PXDNL: variants seen among roughly 807,000 people sequenced by gnomAD.
PXDNL encodes the protein peroxidasin like.
PXDNL carries 145 observed loss-of-function variants against 150.8 expected under a neutral mutation model. That is an observed-to-expected ratio of 0.96 (90% confidence interval 0.84 to 1.10). The LOEUF (loss-of-function observed/expected upper bound fraction) is 1.10, where lower values mean the gene tolerates loss of function less well. Ranked by LOEUF, PXDNL falls within the 50% of genes least tolerant of loss-of-function variation. The pLI is 0.00. For synonymous variants in PXDNL, 757 were observed against 725.7 expected, an observed-to-expected ratio of 1.04 and a Z score of -0.69; for missense variants, 2,087 against 1,873.9, an observed-to-expected ratio of 1.11 and a Z score of -2.10.
intron 12 of PXDNL, among the ~76,000 whole-genome samples, chr8:51,443,627 A>G (rs1028587740): frequency 4.6e-5 from 7 of 152,242 alleles, no homozygotes; most frequent in African/African-American, 1.7e-4. Flanking sequence ...GCATTTTTAA[A>G]TAACATGTTT....
intron 1 of PXDNL, among the ~76,000 whole-genome samples, chr8:51,795,692 T>C (rs2129259343): frequency 6.6e-6 from 1 of 152,216 alleles, no homozygotes; most frequent in Admixed American, 6.5e-5. Flanking sequence ...AAAAGCTAGA[T>C]GCGGGGGTCT....
At chr8:51,770,792 G>A (rs2037285023) in intron 1 of PXDNL, among the ~76,000 whole-genome samples, 2 of 152,198 alleles carry the variant, frequency 1.3e-5, no homozygotes, top group South Asian at 4.1e-4. Context: ...AGGATACCTT[G>A]GGGCAGTGAG....
chr8:51,514,595 C>T (rs1382711397), intron 4 of PXDNL, among the ~76,000 whole-genome samples: 2 of 152,172 alleles, frequency 1.3e-5, no homozygotes, highest in African/African-American at 4.8e-5. Context: ...CCTTCCAATA[C>T]ATAGGACTGA....
intron 1 of PXDNL, among the ~76,000 whole-genome samples, chr8:51,705,342 C>T (rs11783684): frequency 0.69 from 104,948 of 152,100 alleles, 37,170 homozygotes; most frequent in East Asian, 0.82. Flanking sequence ...TCTTGCTACA[C>T]GTCTTGTACT....
intron 5 of PXDNL, among the ~76,000 whole-genome samples, chr8:51,497,673 TA>T (rs1458805859): frequency 6.6e-6 from 1 of 152,066 alleles, no homozygotes; most frequent in Non-Finnish European, 1.5e-5. Flanking sequence ...AACAGACACT[TA>T]AAAAAATGCT....
rs572671636 is a variant in PXDNL at position 51,478,615 on chromosome 8, G to A, written c.525-3474C>T. On this transcript the variant is annotated intron_variant, in intron 6 of 22. Transcript: ENST00000356297. ...GTACAGATGGAGAACCCAGTGTCGG[G>A]TGATCCTTCAAAGTGCCACGCCCAG... 6.6e-5 allele frequency among the ~76,000 whole-genome samples: 10 copies of A among 152,314 alleles called. No homozygotes were observed. In the South Asian group the frequency reaches 2.1e-3, roughly 32 times the overall value.
At chr8:51,448,232 T>A (rs1447543337) in intron 11 of PXDNL, among the ~76,000 whole-genome samples, 3 of 152,202 alleles carry the variant, frequency 2.0e-5, no homozygotes, top group African/African-American at 7.2e-5. Context: ...TCCCTGTAAG[T>A]GTCTGGCGCC....
chr8:51,510,272 C>T (rs10504121), intron 4 of PXDNL, among the ~76,000 whole-genome samples: 55,584 of 151,936 alleles, frequency 0.37, 11,283 homozygotes, highest in African/African-American at 0.54. Context: ...ATTGACCCAT[C>T]GAGAGCATGA....
chr8:51,403,457 T>G (rs1440753035), intron 17 of PXDNL, among the ~76,000 whole-genome samples: 3 of 151,334 alleles, frequency 2.0e-5, no homozygotes, highest in African/African-American at 7.2e-5. Flanking sequence ...CCATGTACAA[T>G]TCCACTTAGA....
intron 1 of PXDNL, among the ~76,000 whole-genome samples, chr8:51,731,293 A>G (rs1241691208): frequency 1.3e-5 from 2 of 152,230 alleles, no homozygotes; most frequent in African/African-American, 4.8e-5. Context: ...GACCCCATGC[A>G]AGTCTGAAAT....
At chr8:51,770,498 C>T (rs977139947) in intron 1 of PXDNL, among the ~76,000 whole-genome samples, 1 of 152,184 alleles carries the variant, frequency 6.6e-6, no homozygotes, top group African/African-American at 2.4e-5. Context: ...TTGCTTGTTA[C>T]AGAATGTAAC....
At chr8:51,695,691 G>A (rs1037148904) in intron 1 of PXDNL, among the ~76,000 whole-genome samples, 1 of 152,130 alleles carries the variant, frequency 6.6e-6, no homozygotes, top group Non-Finnish European at 1.5e-5. Flanking sequence ...CCCCTCACTT[G>A]CACATTAAAT....
At chr8:51,503,273 C>T (rs1811224007) in intron 4 of PXDNL, among the ~76,000 whole-genome samples, 1 of 152,172 alleles carries the variant, frequency 6.6e-6, no homozygotes, top group Non-Finnish European at 1.5e-5. Flanking sequence ...GAGAAAAATG[C>T]ATGTAAGTAG....
intron 17 of PXDNL, among the ~76,000 whole-genome samples, chr8:51,380,938 C>T (rs909435999): frequency 1.9e-4 from 29 of 152,228 alleles, no homozygotes; most frequent in African/African-American, 7.0e-4. Context: ...TATATCAACA[C>T]TTTAAAAATC....
intron 3 of PXDNL, among the ~76,000 whole-genome samples, chr8:51,561,150 G>T (rs766014338): frequency 6.6e-6 from 1 of 151,958 alleles, no homozygotes; most frequent in Non-Finnish European, 1.5e-5. Flanking sequence ...CCTGTACACT[G>T]TTGGTAGGAA....
At chr8:51,629,560 C>A (rs1814444561) in intron 2 of PXDNL, among the ~76,000 whole-genome samples, 1 of 152,094 alleles carries the variant, frequency 6.6e-6, no homozygotes, top group Admixed American at 6.6e-5. Flanking sequence ...AGAATCTGAA[C>A]ATCCAAGAAG....
chr8:51,695,272 T>A (rs989630122), intron 1 of PXDNL, among the ~76,000 whole-genome samples: 1 of 152,236 alleles, frequency 6.6e-6, no homozygotes, highest in African/African-American at 2.4e-5. Context: ...TGAATTATCA[T>A]TTCCTATCAG....
chr8:51,471,669 G>A (rs565176427), intron 8 of PXDNL, among the ~76,000 whole-genome samples: 42 of 151,616 alleles, frequency 2.8e-4, no homozygotes, highest in African/African-American at 8.5e-4. Context: ...CTGAGGTCTG[G>A]AAATGCATAA....
intron 3 of PXDNL, among the ~76,000 whole-genome samples, chr8:51,559,697 T>A (rs1475007880): frequency 6.6e-6 from 1 of 151,844 alleles, no homozygotes; most frequent in African/African-American, 2.4e-5. Flanking sequence ...GAGAGTACCA[T>A]CCTGATGAGA....
Sources: allele counts gnomAD v4.1 joint callset (sites outside exome capture counted in the v4.1 genomes callset), GRCh38; gene constraint gnomAD v4.1.1; transcripts MANE v1.5; gene names NCBI Gene and HGNC (gene_info 2026-07-23, HGNC 2026-07-21).